NMNAT2: variants seen among roughly 807,000 people sequenced by gnomAD.
The protein encoded by NMNAT2 is nicotinamide/nicotinic acid mononucleotide adenylyltransferase 2.
In NMNAT2, 11 loss-of-function variants were observed where a neutral mutation model predicts 41.6. That is an observed-to-expected ratio of 0.26 (90% confidence interval 0.17 to 0.44). The LOEUF is 0.44. NMNAT2 is among the 20% of genes least tolerant of loss of function. The pLI, the probability that NMNAT2 is intolerant of heterozygous loss-of-function variation, is 1.00. For missense variants in NMNAT2, 288 were observed against 407.7 expected (o/e 0.71, Z 2.53); for synonymous variants, 148 against 151.2 (o/e 0.98, Z 0.16).
chr1:183,376,399 G>A (rs1033327942), intron 1 of NMNAT2, among the ~76,000 whole-genome samples: 2 of 152,174 alleles, frequency 1.3e-5, no homozygotes, highest in Admixed American at 6.5e-5. Context: ...ATGGCTGAGT[G>A]CTTGTGCTGG....
intron 1 of NMNAT2, among the ~76,000 whole-genome samples, chr1:183,312,098 A>G (rs938668952): frequency 1.6e-4 from 24 of 152,188 alleles, no homozygotes; most frequent in African/African-American, 5.8e-4. Context: ...TTCTTTTGCA[A>G]ATTGCCCAGT....
intron 1 of NMNAT2, among the ~76,000 whole-genome samples, chr1:183,408,402 T>C (rs1649020015): frequency 1.3e-5 from 2 of 152,244 alleles, no homozygotes; most frequent in African/African-American, 2.4e-5. Flanking sequence ...CAAAATATTA[T>C]TGTTATTTTA....
intron 1 of NMNAT2, among the ~76,000 whole-genome samples, chr1:183,360,705 T>C (rs556949171): frequency 2.8e-4 from 43 of 152,332 alleles, no homozygotes; most frequent in African/African-American, 9.9e-4. Context: ...TCTATAAAAT[T>C]GGCAGTGTGC....
At chr1:183,384,079 G>A (rs1663858636) in intron 1 of NMNAT2, among the ~76,000 whole-genome samples, 2 of 152,182 alleles carry the variant, frequency 1.3e-5, no homozygotes, top group Admixed American at 1.3e-4. Flanking sequence ...GGTTCCACAG[G>A]CTGTATAGGA....
chr1:183,272,853 A>G (rs1178464781), intron 8 of NMNAT2, among the ~76,000 whole-genome samples: 1 of 152,164 alleles, frequency 6.6e-6, no homozygotes, highest in Non-Finnish European at 1.5e-5. Flanking sequence ...TTTGGAGAAG[A>G]TATGAGAGGC....
At chr1:183,369,866 C>A (rs187561358) in intron 1 of NMNAT2, among the ~76,000 whole-genome samples, 1 of 152,054 alleles carries the variant, frequency 6.6e-6, no homozygotes, top group African/African-American at 2.4e-5. Flanking sequence ...ATGAGAATGG[C>A]ACTCTTCTTA....
intron 10 of NMNAT2, among the ~76,000 whole-genome samples, chr1:183,253,283 T>C (rs1336445801): frequency 6.8e-6 from 1 of 148,028 alleles, no homozygotes; most frequent in Admixed American, 6.8e-5. Context: ...ATATTATTTA[T>C]ATAATAGTGT....
intron 1 of NMNAT2, among the ~76,000 whole-genome samples, chr1:183,345,120 TC>T (rs36111882): frequency 2.5e-5 from 1 of 40,454 alleles, no homozygotes; most frequent in Non-Finnish European, 8.2e-5. Context: ...TCTTCTCTTC[TC>T]CTCCCCCACC....
At chr1:183,294,446 G>A (rs1661626273) in intron 1 of NMNAT2, among the ~76,000 whole-genome samples, 1 of 152,154 alleles carries the variant, frequency 6.6e-6, no homozygotes, top group African/African-American at 2.4e-5. Context: ...GGCAAACAAG[G>A]AAGGGACTGA....
At chr1:183,364,777 C>T (rs897999113) in intron 1 of NMNAT2, among the ~76,000 whole-genome samples, 2 of 151,982 alleles carry the variant, frequency 1.3e-5, no homozygotes, top group Non-Finnish European at 2.9e-5. Context: ...CTGCAACCTC[C>T]ACTTCCCAGG....
At chr1:183,380,728 A>G (rs1283423780) in intron 1 of NMNAT2, among the ~76,000 whole-genome samples, 2 of 152,250 alleles carry the variant, frequency 1.3e-5, no homozygotes, top group African/African-American at 2.4e-5. Context: ...GTAAGTTAGA[A>G]AAGGAAATAG....
intron 1 of NMNAT2, among the ~76,000 whole-genome samples, chr1:183,389,867 AAAG>A (rs1648415701): frequency 1.8e-5 from 1 of 56,136 alleles, no homozygotes; most frequent in Non-Finnish European, 4.2e-5. Context: ...AGAAAGAAAG[AAAG>A]AAGGGAGGGA....
chr1:183,375,661 A>G (rs1328989585), intron 1 of NMNAT2, among the ~76,000 whole-genome samples: 1 of 152,176 alleles, frequency 6.6e-6, no homozygotes, highest in Non-Finnish European at 1.5e-5. Flanking sequence ...TTCCTTGACC[A>G]CCATGCTCTT....
At chr1:183,306,758 C>G (rs1418764452) in intron 1 of NMNAT2, among the ~76,000 whole-genome samples, 1 of 152,110 alleles carries the variant, frequency 6.6e-6, no homozygotes, top group Non-Finnish European at 1.5e-5. Context: ...ACTAACCTCC[C>G]CCTAGAGGCA....
Position 183,290,152 on chromosome 1 carries a change from C to T in NMNAT2, c.297G>A (p.Leu99=), listed in dbSNP as rs1367970528. 5 of 1,584,566 alleles carry T rather than the reference C, an allele frequency of 3.2e-6. No individual in the cohort carries two copies. Among genetic ancestry groups the T allele is most frequent in the East Asian group, 2.3e-5 (1 of 43,690 alleles). Residue 99 remains leucine, a synonymous_variant, in exon 4 of 11, where the codon TTG becomes TTA. Transcript: ENST00000287713. ...CCTTCATGAGGTCCCGGTGGTGTTC[C>T]AACACGCTGCAGGTCGTCTGCCAGG... ...QDTWQTTCSV[L]EHHRDLMKRV... is the part of the protein sequence containing the mutation.
At chr1:183,380,962 C>A (rs1663791714) in intron 1 of NMNAT2, among the ~76,000 whole-genome samples, 1 of 152,040 alleles carries the variant, frequency 6.6e-6, no homozygotes. Context: ...AAAGGTCGAT[C>A]TAGAGGCAGT....
chr1:183,418,370 C>T lies in NMNAT2; in HGVS notation c.-103G>A. On this transcript the variant is annotated 5_prime_UTR_variant, in exon 1 of 11. Transcript: ENST00000287713. Reference sequence around the variant, plus strand: ...GAAGGCGAGGCTCCGGCGGTGGATGCTGTGGACTCCAAGGAGCCGCTCCAG... The same window carrying T: ...GAAGGCGAGGCTCCGGCGGTGGATGTTGTGGACTCCAAGGAGCCGCTCCAG... The T allele has an allele frequency of 8.8e-7, 1 of 1,134,380 alleles. No individual in the cohort carries two copies. The highest frequency in any genetic ancestry group is 1.3e-6 in the Non-Finnish European group (1 of 754,920). The allele number at this position is 1,134,380 out of a possible 1,614,324, so 70.3% of individuals were successfully genotyped here.
chr1:183,391,690 C>T (rs1648486453), intron 1 of NMNAT2, among the ~76,000 whole-genome samples: 1 of 152,222 alleles, frequency 6.6e-6, no homozygotes, highest in Non-Finnish European at 1.5e-5. Flanking sequence ...TCCAGTCCAG[C>T]TTCTGCCCCC....
At chr1:183,369,972 T>A (rs1294271488) in intron 1 of NMNAT2, among the ~76,000 whole-genome samples, 2 of 151,994 alleles carry the variant, frequency 1.3e-5, no homozygotes, top group South Asian at 4.1e-4. Context: ...GGGATTAGCA[T>A]TCAGGAAATC....
Sources: allele counts gnomAD v4.1 joint callset (sites outside exome capture counted in the v4.1 genomes callset), GRCh38; gene constraint gnomAD v4.1.1; transcripts MANE v1.5; gene names NCBI Gene and HGNC (gene_info 2026-07-23, HGNC 2026-07-21).